The following NLGN1 variants were observed in gnomAD, a reference collection of about 807,000 sequenced individuals.
The protein encoded by NLGN1 is neuroligin 1, also known as neuroligin-1.
NLGN1 carries 12 observed loss-of-function variants against 65.5 expected under a neutral mutation model. That is an observed-to-expected ratio of 0.18 (90% CI 0.12 to 0.30). The LOEUF (loss-of-function observed/expected upper bound fraction) is 0.30, where lower values mean the gene tolerates loss of function less well. NLGN1 is among the 10% of genes least tolerant of loss of function. NLGN1 has a pLI of 1.00. For missense variants in NLGN1, 750 were observed against 1,007.1 expected (o/e 0.74, Z 3.46); for synonymous variants, 350 against 359.5 (o/e 0.97, Z 0.30).
At chr3:173,782,704 T>TC (rs398106756) in intron 3 of NLGN1, among the ~76,000 whole-genome samples, 1 of 151,390 alleles carries the variant, frequency 6.6e-6, no homozygotes, top group Non-Finnish European at 1.5e-5. Context: ...TTTTTTTTTT[T>TC]CTTTTTGCAT....
At chr3:173,876,906 G>T (rs1381566390) in intron 4 of NLGN1, among the ~76,000 whole-genome samples, 1 of 152,084 alleles carries the variant, frequency 6.6e-6, no homozygotes, top group Non-Finnish European at 1.5e-5. Flanking sequence ...GAATTGCAAA[G>T]AATTAATACA....
chr3:173,482,481 C>G (rs1055916184), intron 2 of NLGN1, among the ~76,000 whole-genome samples: 4 of 151,880 alleles, frequency 2.6e-5, no homozygotes, highest in African/African-American at 9.7e-5. Flanking sequence ...CAGAAATTTC[C>G]TGGATAGATT....
intron 2 of NLGN1, among the ~76,000 whole-genome samples, chr3:173,544,557 G>T (rs1340151081): frequency 6.6e-6 from 1 of 151,886 alleles, no homozygotes; most frequent in East Asian, 1.9e-4. Context: ...TACAAGGAAA[G>T]GATTTAATTT....
chr3:173,532,000 G>T (rs961286503), intron 2 of NLGN1, among the ~76,000 whole-genome samples: 2 of 151,956 alleles, frequency 1.3e-5, no homozygotes, highest in African/African-American at 4.8e-5. Context: ...TATTACTATT[G>T]CCTTTCACTC....
At chr3:173,554,031 T>A (rs890949328) in intron 2 of NLGN1, among the ~76,000 whole-genome samples, 5 of 152,210 alleles carry the variant, frequency 3.3e-5, no homozygotes, top group Non-Finnish European at 7.4e-5. Context: ...TGGACATTTA[T>A]TTTTGATTAT....
At chr3:174,186,911 T>C (rs984611006) in intron 4 of NLGN1, among the ~76,000 whole-genome samples, 3 of 151,932 alleles carry the variant, frequency 2.0e-5, no homozygotes, top group African/African-American at 7.2e-5. Flanking sequence ...TCCCTCCATA[T>C]CTGAGTGGGA....
chr3:174,175,949 T>C (rs1212495343), intron 4 of NLGN1, among the ~76,000 whole-genome samples: 1 of 151,898 alleles, frequency 6.6e-6, no homozygotes, highest in African/African-American at 2.4e-5. Flanking sequence ...AGTACAAATA[T>C]TAGATTTGTC....
At chr3:173,712,010 G>C (rs144072093) in intron 3 of NLGN1, among the ~76,000 whole-genome samples, 2 of 152,256 alleles carry the variant, frequency 1.3e-5, no homozygotes, top group African/African-American at 2.4e-5. Flanking sequence ...TTTTGAACCT[G>C]ATGTTTGTTA....
At position 173,548,236 on chromosome 3, in the gene NLGN1, T is replaced by C. The variant is rs904508179; in HGVS notation, c.-320-56043T>C. On this transcript the variant is annotated intron_variant, in intron 2 of 6. Transcript: ENST00000457714. ...TTATTGCCTTTGCAAATAGGGGCTG[T>C]AAATCTATTGTGCTTCTCTAAAATT... 3.9e-5 allele frequency among the ~76,000 whole-genome samples: 6 copies of C among 152,250 alleles called. No homozygotes were observed. In the East Asian group the frequency reaches 7.7e-4, roughly 20 times the overall value.
At chr3:174,274,370 A>ATGTT (rs1488901294) in intron 4 of NLGN1, among the ~76,000 whole-genome samples, 2 of 151,892 alleles carry the variant, frequency 1.3e-5, no homozygotes, top group Admixed American at 6.6e-5. Context: ...GCTAAGTAAT[A>ATGTT]TGTTTGACTC....
At chr3:174,088,995 A>T (rs1027225665) in intron 4 of NLGN1, among the ~76,000 whole-genome samples, 1 of 151,990 alleles carries the variant, frequency 6.6e-6, no homozygotes, top group Non-Finnish European at 1.5e-5. Flanking sequence ...TTAAAAATCA[A>T]TAGCTTTTAA....
chr3:173,560,522 T>A (rs1408560679), intron 2 of NLGN1, among the ~76,000 whole-genome samples: 1 of 103,510 alleles, frequency 9.7e-6, no homozygotes, highest in Non-Finnish European at 1.9e-5. Flanking sequence ...ATCAACAGAA[T>A]GATTTTTTTT....
intron 2 of NLGN1, among the ~76,000 whole-genome samples, chr3:173,445,277 A>AC (rs1400625374): frequency 7.6e-6 from 1 of 131,792 alleles, no homozygotes; most frequent in African/African-American, 2.7e-5. Flanking sequence ...CAAAAAAAAA[A>AC]AAAAAAAAAA....
chr3:173,928,672 A>ATTTTTT (rs34589178), intron 4 of NLGN1, among the ~76,000 whole-genome samples: 1 of 134,542 alleles, frequency 7.4e-6, no homozygotes. Flanking sequence ...GACATAGTTA[A>ATTTTTT]TTTTTTTTTT....
intron 4 of NLGN1, among the ~76,000 whole-genome samples, chr3:174,077,663 C>G (rs1741294260): frequency 6.6e-6 from 1 of 152,108 alleles, no homozygotes; most frequent in African/African-American, 2.4e-5. Context: ...TCAAGCATTT[C>G]TCCTGCCTCA....
intron 3 of NLGN1, among the ~76,000 whole-genome samples, chr3:173,614,196 AGAGCAGGGGTAGAGGGATAAGTAT>A (rs1293197615): frequency 6.6e-6 from 1 of 152,064 alleles, no homozygotes; most frequent in African/African-American, 2.4e-5. Flanking sequence ...GAAAGAAGGA[AGAGCAGGGGTAGAGGGATAAGTAT>A]GAGCAGGGGC....
chr3:173,800,355 A>ATT, intron 3 of NLGN1: 1 of 1,177,910 alleles, frequency 8.5e-7, no homozygotes, highest in African/African-American at 1.6e-5. Flanking sequence ...AGATGAAGGT[A>ATT]TTTTTTTTCA....
At chr3:174,160,971 C>T (rs1726394514) in intron 4 of NLGN1, among the ~76,000 whole-genome samples, 1 of 151,770 alleles carries the variant, frequency 6.6e-6, no homozygotes, top group African/African-American at 2.4e-5. Context: ...CATCCTTCTA[C>T]TCTCTATCTC....
chr3:173,768,204 ACT>A (rs1180177302), intron 3 of NLGN1, among the ~76,000 whole-genome samples: 2 of 152,188 alleles, frequency 1.3e-5, no homozygotes, highest in Non-Finnish European at 2.9e-5. Context: ...GGAAAAAGTT[ACT>A]GTTAATGTTG....
Sources: allele counts gnomAD v4.1 joint callset (sites outside exome capture counted in the v4.1 genomes callset), GRCh38; gene constraint gnomAD v4.1.1; transcripts MANE v1.5; gene names NCBI Gene and HGNC (gene_info 2026-07-23, HGNC 2026-07-21).